Variants in CUBN observed in about 807,000 individuals in gnomAD.
CUBN encodes the protein cubilin.
In CUBN, 282 loss-of-function variants were observed where a neutral mutation model predicts 405.3. The observed-to-expected ratio is 0.70, with a 90% confidence interval of 0.63 to 0.77. CUBN has a LOEUF of 0.77. CUBN is among the 30% of genes least tolerant of loss of function. CUBN has a pLI of 0.00. For synonymous variants in CUBN, 1,684 were observed against 1,617.0 expected (o/e 1.04, Z -0.99); for missense variants, 4,514 against 4,475.2 (o/e 1.01, Z -0.25).
chr10:16,850,283 A>T (rs1320598988), intron 60 of CUBN, among the ~76,000 whole-genome samples: 16 of 152,204 alleles, frequency 1.1e-4, no homozygotes, highest in Admixed American at 1.0e-3. Flanking sequence ...TTTTCTAATC[A>T]GACTTAAGCT....
rs536300107 is a variant in CUBN, at chr10:16,918,712, T to G, written c.6910A>C (p.Ser2304Arg). 5.0e-5 allele frequency: 80 copies of G among 1,613,884 alleles called. No individual in the cohort carries two copies. The highest frequency in any genetic ancestry group is 6.6e-5 in the Non-Finnish European group (78 of 1,179,912). Reference protein sequence around the residue: ...SKFCGTSLPSSQWSSGEVMYL... With the variant: ...SKFCGTSLPSRQWSSGEVMYL... The stretch of plus-strand genomic sequence containing the variant: ...ATAACCTCTCCTGAGGACCACTGAC[T>G]GCTGGGCAAAGATGTCCCACAAAAT... Residue 2304 changes from serine (S) to arginine (R), a missense_variant, in exon 45 of 67, where the codon AGT becomes CGT. Physicochemically the swap from Ser to Arg is moderately radical, Grantham distance 110. Transcript: ENST00000377833.
intron 42 of CUBN, 64 bp downstream of exon 42, chr10:16,925,520 T>A: frequency 6.2e-7 from 1 of 1,610,980 alleles, no homozygotes; most frequent in Non-Finnish European, 8.5e-7. Context: ...AGAAAAATTA[T>A]CATTTTGTTT....
At position 17,019,861 on chromosome 10, in the gene CUBN, T is replaced by C. The variant is rs1834443649; in HGVS notation, c.4140A>G (p.Lys1380=). 1 of 1,614,134 alleles carries C rather than the reference T, an allele frequency of 6.2e-7. No homozygotes were observed. Among genetic ancestry groups the C allele is most frequent in the Non-Finnish European group, 8.5e-7 (1 of 1,180,002 alleles). Residue 1380 remains lysine (K), a synonymous_variant, in exon 28 of 67, where the codon AAA becomes AAG. Transcript: ENST00000377833. ...LLTDGVGRRE[K]GFQMQWFVYG... is the part of the protein sequence containing the mutation. ...AAACAAACCACTGCATCTGAAATCC[T>C]TTCTCACGGCGGCCAACCCCATCTG...
intron 13 of CUBN, among the ~76,000 whole-genome samples, chr10:17,102,259 AT>A (rs1564515694): frequency 1.0e-4 from 5 of 48,994 alleles, no homozygotes; most frequent in Non-Finnish European, 9.2e-5. Context: ...CCTCCTATTT[AT>A]TTATTTATTT....
chr10:17,050,829 C>CAA (rs1564494872), intron 22 of CUBN, among the ~76,000 whole-genome samples: 1 of 152,046 alleles, frequency 6.6e-6, no homozygotes, highest in Non-Finnish European at 1.5e-5. Context: ...AGAGACCTAG[C>CAA]AAGTTAGAGG....
At chr10:17,025,885 T>C (rs1834649458) in intron 27 of CUBN, among the ~76,000 whole-genome samples, 1 of 151,980 alleles carries the variant, frequency 6.6e-6, no homozygotes, top group African/African-American at 2.4e-5. Context: ...GCTGTGTGTG[T>C]GGAAGGGATT....
At chr10:17,041,976 T>C (rs1302548194) in intron 26 of CUBN, among the ~76,000 whole-genome samples, 1 of 152,132 alleles carries the variant, frequency 6.6e-6, no homozygotes, top group Non-Finnish European at 1.5e-5. Flanking sequence ...CCTAATGACT[T>C]AAACAAGGAA....
chr10:17,107,412 C>T (rs1836659193), intron 10 of CUBN, among the ~76,000 whole-genome samples: 1 of 151,890 alleles, frequency 6.6e-6, no homozygotes, highest in African/African-American at 2.4e-5. Flanking sequence ...GATAGAAAAA[C>T]CCTGCTGAAT....
intron 29 of CUBN, among the ~76,000 whole-genome samples, chr10:16,984,884 C>T (rs1221492642): frequency 1.3e-5 from 2 of 152,194 alleles, no homozygotes; most frequent in Non-Finnish European, 2.9e-5. Context: ...AATACCAGCT[C>T]TCTGGGTGTG....
chr10:17,065,404 G>C, intron 22 of CUBN, 104 bp downstream of exon 22: 1 of 1,422,828 alleles, frequency 7.0e-7, no homozygotes, highest in Non-Finnish European at 9.9e-7. Context: ...AGCTCTCATT[G>C]TGTGCCACAG....
At chr10:17,103,552 C>A (rs1836548237) in intron 12 of CUBN, among the ~76,000 whole-genome samples, 1 of 152,208 alleles carries the variant, frequency 6.6e-6, no homozygotes, top group Non-Finnish European at 1.5e-5. Context: ...GTCTTTAACT[C>A]TTGTATCTGT....
chr10:16,976,681 G>A (rs1327156675), intron 31 of CUBN, among the ~76,000 whole-genome samples: 1 of 151,780 alleles, frequency 6.6e-6, no homozygotes, highest in Non-Finnish European at 1.5e-5. Flanking sequence ...CCAATTAAGT[G>A]TGTGTTATAT....
At chr10:16,869,481 G>A (rs551026427) in intron 59 of CUBN, among the ~76,000 whole-genome samples, 155 bp downstream of exon 59, 3 of 135,018 alleles carry the variant, frequency 2.2e-5, no homozygotes, top group South Asian at 4.6e-4. Context: ...TATGTCATAC[G>A]TAAGTTTTAA....
rs1436299663 is a variant in CUBN at position 16,824,771 on chromosome 10, C to T, written c.*204G>A. On this transcript the variant is annotated 3_prime_UTR_variant, in exon 67 of 67. Transcript: ENST00000377833. ...CTGACCTCAGGTGATCAACCTGCCT[C>T]GGCCTCCCAAAGTGCTGAGAATACA... 8 of 534,402 alleles carry T rather than the reference C, an allele frequency of 1.5e-5. No homozygotes were observed. The highest frequency in any genetic ancestry group is 2.5e-5 in the Non-Finnish European group (7 of 283,778). The allele number at this position is 534,402 out of a possible 1,614,324, so 33.1% of individuals were successfully genotyped here. A position where few individuals can be genotyped will look rare whatever the true frequency, so the allele number is the denominator to read the frequency against.
intron 31 of CUBN, among the ~76,000 whole-genome samples, chr10:16,980,674 C>T (rs559124224): frequency 6.6e-6 from 1 of 152,154 alleles, no homozygotes; most frequent in African/African-American, 2.4e-5. Flanking sequence ...GGGAACATCA[C>T]ACACCGGTGC....
intron 58 of CUBN, among the ~76,000 whole-genome samples, chr10:16,872,361 G>T (rs780822): frequency 0.48 from 71,933 of 148,588 alleles, 19,297 homozygotes; most frequent in African/African-American, 0.75. Flanking sequence ...TATATATATA[G>T]ATAGATAGAC....
chr10:16,949,981 A>ATGGG lies in CUBN; in HGVS notation c.5080+19_5080+20insCCCA. 1 of 1,556,698 alleles carries ATGGG rather than the reference A, an allele frequency of 6.4e-7. No individual in the cohort carries two copies. Among genetic ancestry groups the ATGGG allele is most frequent in the Non-Finnish European group, 8.9e-7 (1 of 1,128,744 alleles). On this transcript the variant is annotated intron_variant, in intron 34 of 66. Coordinates refer to ENST00000377833, the MANE Select transcript of CUBN (RefSeq NM_001081.4). ...AGCACAGCCAAGACCACAGATGTAGATGAGTGAACGCTGAGGTACCTCGGA... is the reference window on the plus strand; with the variant it reads ...AGCACAGCCAAGACCACAGATGTAGATGGGTGAGTGAACGCTGAGGTACCTCGGA...
At chr10:16,928,348 T>A in intron 40 of CUBN, 45 bp from the exon 41 acceptor site, 1 of 1,603,552 alleles carries the variant, frequency 6.2e-7, no homozygotes, top group Non-Finnish European at 8.5e-7. Context: ...ATCTTGAGAA[T>A]CTACTCTACA....
At chr10:16,849,916 T>C (rs1291242438) in intron 60 of CUBN, among the ~76,000 whole-genome samples, 1 of 152,176 alleles carries the variant, frequency 6.6e-6, no homozygotes, top group Non-Finnish European at 1.5e-5. Flanking sequence ...CTAAAGTCAT[T>C]AGTTTGACTT....
Sources: allele counts gnomAD v4.1 joint callset (sites outside exome capture counted in the v4.1 genomes callset), GRCh38; gene constraint gnomAD v4.1.1; transcripts MANE v1.5; gene names NCBI Gene and HGNC (gene_info 2026-07-23, HGNC 2026-07-21).